PKD1L1: variants seen among roughly 807,000 people sequenced by gnomAD.
The protein encoded by PKD1L1 is polycystin 1 like 1, transient receptor potential channel interacting, also known as polycystin-1-like protein 1.
PKD1L1 carries 236 observed loss-of-function variants against 323.4 expected under a neutral mutation model. That is an observed-to-expected ratio of 0.73 (90% CI 0.66 to 0.81). The LOEUF is 0.81. Ranked by LOEUF, PKD1L1 falls within the 40% of genes least tolerant of loss-of-function variation. The pLI, the probability that PKD1L1 is intolerant of heterozygous loss-of-function variation, is 0.00. For missense variants in PKD1L1, 3,320 were observed against 3,508.0 expected (o/e 0.95, Z 1.35); for synonymous variants, 1,344 against 1,335.0 (o/e 1.01, Z -0.15).
At chr7:47,794,130 C>A (rs1003506545) in intron 55 of PKD1L1, among the ~76,000 whole-genome samples, 2 of 152,186 alleles carry the variant, frequency 1.3e-5, no homozygotes, top group African/African-American at 4.8e-5. Flanking sequence ...AAGAAAAACT[C>A]ATTTTCTGGG....
At chr7:47,857,896 A>G (rs757209024) in intron 27 of PKD1L1, 64 bp from the exon 28 acceptor site, 13 of 1,469,320 alleles carry the variant, frequency 8.8e-6, no homozygotes, top group Non-Finnish European at 1.2e-5. Context: ...TCTTGAATCC[A>G]GACTAGGAGA....
chr7:47,925,575 T>A, intron 7 of PKD1L1, among the ~76,000 whole-genome samples: 1 of 152,118 alleles, frequency 6.6e-6, no homozygotes, highest in East Asian at 1.9e-4. Flanking sequence ...ATTCCAAAGT[T>A]AACCTGAAAA....
intron 21 of PKD1L1, 48 bp from the exon 22 acceptor site, chr7:47,877,679 A>G (rs781662072): frequency 1.3e-6 from 2 of 1,599,134 alleles, no homozygotes; most frequent in East Asian, 2.2e-5. Flanking sequence ...GGAGAATTAC[A>G]GCAGCATAGG....
Position 47,819,654 on chromosome 7 carries a change from AC to A in PKD1L1, c.6965+1421del, listed in dbSNP as rs1210536150. The A allele has an allele frequency of 3.8e-5, 43 of 1,130,792 alleles. No individual in the cohort carries two copies. The African/African-American group carries it at 6.6e-4, about 17-fold the overall frequency. The allele number at this position is 1,130,792 out of a possible 1,614,324, so 70.0% of individuals were successfully genotyped here. A position where few individuals can be genotyped will look rare whatever the true frequency, so the allele number is the denominator to read the frequency against. ...TACAATGCTCAGCAGAAAAAAAAAA[AC>A]AAAACAACTTGGATTACTGAGCTAC... On this transcript the variant is annotated intron_variant, in intron 46 of 56. Transcript: ENST00000289672.
At chr7:47,796,775 C>T (rs1562933745) in intron 54 of PKD1L1, among the ~76,000 whole-genome samples, 1 of 148,752 alleles carries the variant, frequency 6.7e-6, no homozygotes, top group African/African-American at 2.5e-5. Flanking sequence ...ATCATGAGGT[C>T]AGGAGATTGA....
chr7:47,934,337 G>A (rs1787827426), intron 4 of PKD1L1, among the ~76,000 whole-genome samples: 1 of 152,120 alleles, frequency 6.6e-6, no homozygotes, highest in Admixed American at 6.5e-5. Flanking sequence ...CACTACTCAT[G>A]ACACTTCGGC....
intron 25 of PKD1L1, among the ~76,000 whole-genome samples, chr7:47,866,172 A>G (rs763996075): frequency 6.6e-6 from 1 of 152,234 alleles, no homozygotes; most frequent in Non-Finnish European, 1.5e-5. Flanking sequence ...CTTCAGCAGA[A>G]TTATCTGTAA....
At chr7:47,880,668 TCA>T in intron 21 of PKD1L1, 58 bp downstream of exon 21, 1 of 1,365,944 alleles carries the variant, frequency 7.3e-7, no homozygotes, top group Non-Finnish European at 1.0e-6. Context: ...AAGAGTAAAC[TCA>T]CAGAGACGCA....
rs759530622 is a variant in PKD1L1, at chr7:47,803,231, G to A, written c.7941C>T (p.Leu2647=). The change falls in exon 53 of 57, where the codon CTC becomes CTT. Residue 2647 remains leucine, a synonymous_variant. Transcript: ENST00000289672. ...TTACCCCTGCTACAAAGATGCTGGG[G>A]AGTGAGTGGCGCATCATGGAGGAGC... is the stretch of plus-strand genomic sequence containing the variant. ...ASCSSMMRHS[L]PSIFVAGLVG... is the part of the protein sequence containing the mutation. The A allele has an allele frequency of 6.8e-6, 11 of 1,614,028 alleles. No individual in the cohort carries two copies. In the African/African-American group the frequency reaches 1.2e-4, roughly 18 times the overall value.
intron 14 of PKD1L1, among the ~76,000 whole-genome samples, chr7:47,894,437 C>G (rs561115079): frequency 1.3e-5 from 2 of 152,328 alleles, no homozygotes; most frequent in Non-Finnish European, 2.9e-5. Flanking sequence ...AGAGCTGCTT[C>G]TTTCTAACCC....
chr7:47,888,195 G>A, intron 16 of PKD1L1, 45 bp from the exon 17 acceptor site: 1 of 1,562,348 alleles, frequency 6.4e-7, no homozygotes, highest in Admixed American at 1.7e-5. Flanking sequence ...AATAATGTGA[G>A]GGTTCTTTGG....
Position 47,855,231 on chromosome 7 carries a change from C to T in PKD1L1, c.4625G>A (p.Cys1542Tyr), listed in dbSNP as rs1482043227. 6.2e-7 allele frequency: 1 copy of T among 1,614,144 alleles called. No individual in the cohort carries two copies. ...CCTGTTGATGGGTCTTCTGCTGGAG[C>T]AGGTATAGAGGTTGAGGCCCACAAC... Reference protein sequence around the residue: ...GGVVGLNLYTCSSRRPINRQW... With the variant: ...GGVVGLNLYTYSSRRPINRQW... Residue 1542 changes from cysteine (C) to tyrosine (Y), a missense_variant, in exon 29 of 57, where the codon TGC (cysteine) becomes TAC (tyrosine). Physicochemically the swap from Cys to Tyr is radical, Grantham distance 194. Transcript: ENST00000289672.
intron 8 of PKD1L1, among the ~76,000 whole-genome samples, chr7:47,913,085 C>A (rs1012150879): frequency 1.3e-5 from 2 of 151,938 alleles, no homozygotes; most frequent in African/African-American, 4.8e-5. Flanking sequence ...ACTTGGAGAA[C>A]CATGGTTACA....
At chr7:47,907,599 C>A (rs926979728) in intron 9 of PKD1L1, among the ~76,000 whole-genome samples, 4 of 152,154 alleles carry the variant, frequency 2.6e-5, no homozygotes, top group Non-Finnish European at 1.5e-5. Flanking sequence ...GTGCACCTGG[C>A]ACACTCAGTG....
chr7:47,877,746 C>T (rs1786442096), intron 21 of PKD1L1, 115 bp from the exon 22 acceptor site: 4 of 1,237,264 alleles, frequency 3.2e-6, no homozygotes, highest in Non-Finnish European at 3.3e-6. Context: ...GGTCCCCAGA[C>T]CAGCAGCATC....
At chr7:47,891,829 C>T (rs1018223814) in intron 15 of PKD1L1, among the ~76,000 whole-genome samples, 1 of 152,212 alleles carries the variant, frequency 6.6e-6, no homozygotes, top group Non-Finnish European at 1.5e-5. Flanking sequence ...AAGACACAGC[C>T]TCTGTCTCCT....
intron 54 of PKD1L1, among the ~76,000 whole-genome samples, chr7:47,800,203 G>A (rs1353760112): frequency 6.6e-6 from 1 of 152,206 alleles, no homozygotes; most frequent in Admixed American, 6.5e-5. Flanking sequence ...AGGAGGGCGT[G>A]AAACAGGGAG....
At position 47,882,063 on chromosome 7, in the gene PKD1L1, T is replaced by C; in HGVS notation, c.3288A>G (p.Gly1096=). ...RQPAKDTSFP[G]SGPSLSAEES... is the part of the protein sequence containing the mutation. ...CCTCGGCACTCAAGCTAGGTCCTGA[T>C]CCTGGAAAGCTGGTGTCCTTAGCTA... Residue 1096 remains glycine (G), a synonymous_variant, in exon 20 of 57, where the codon GGA becomes GGG. Transcript: ENST00000289672. 1 of 1,613,470 alleles carries C rather than the reference T, an allele frequency of 6.2e-7. No homozygotes were observed. Among genetic ancestry groups the C allele is most frequent in the East Asian group, 2.2e-5 (1 of 44,846 alleles).
intron 7 of PKD1L1, among the ~76,000 whole-genome samples, chr7:47,918,048 G>A (rs1025318267): frequency 1.1e-4 from 16 of 152,106 alleles, no homozygotes; most frequent in East Asian, 3.9e-4. Flanking sequence ...ATAGCAGAAT[G>A]GATAAGAATT....
Sources: allele counts gnomAD v4.1 joint callset (sites outside exome capture counted in the v4.1 genomes callset), GRCh38; gene constraint gnomAD v4.1.1; transcripts MANE v1.5; gene names NCBI Gene and HGNC (gene_info 2026-07-23, HGNC 2026-07-21).